Variants in CLVS1 observed in about 807,000 individuals in gnomAD.
CLVS1 encodes the protein clavesin-1.
A neutral mutation model predicts 33.1 loss-of-function variants in CLVS1; 10 were observed. The ratio of observed to expected loss-of-function variants is 0.30; its 90% CI spans 0.19 to 0.51. CLVS1 has a LOEUF of 0.51. CLVS1 is among the 20% of genes least tolerant of loss of function. The pLI is 0.97. For synonymous variants in CLVS1, 163 were observed against 166.1 expected (o/e 0.98, Z 0.14); for missense variants, 343 against 433.4 (o/e 0.79, Z 1.85).
chr8:61,187,922 T>C (rs1807376215), intron 2 of CLVS1, among the ~76,000 whole-genome samples: 1 of 151,742 alleles, frequency 6.6e-6, no homozygotes, highest in Non-Finnish European at 1.5e-5. Flanking sequence ...CACGTCTTCA[T>C]AGATATATTA....
intron 2 of CLVS1, among the ~76,000 whole-genome samples, chr8:61,151,029 T>TATG (rs1334944648): frequency 1.3e-5 from 2 of 152,212 alleles, no homozygotes; most frequent in Non-Finnish European, 2.9e-5. Flanking sequence ...ACCCCCAGAC[T>TATG]ATGTTTGAGC....
intron 2 of CLVS1, among the ~76,000 whole-genome samples, chr8:61,137,199 T>G (rs1724840879): frequency 6.6e-6 from 1 of 152,128 alleles, no homozygotes; most frequent in South Asian, 2.1e-4. Context: ...CCAGTTAAGA[T>G]GGAGGGGGAA....
intron 2 of CLVS1, among the ~76,000 whole-genome samples, chr8:61,159,491 C>T (rs888802359): frequency 1.3e-5 from 2 of 152,196 alleles, no homozygotes; most frequent in Non-Finnish European, 2.9e-5. Context: ...TGTACTCCTT[C>T]CCTCCTGGTG....
At chr8:61,398,237 A>G (rs1159119394) in intron 3 of CLVS1, among the ~76,000 whole-genome samples, 1 of 137,522 alleles carries the variant, frequency 7.3e-6, no homozygotes, top group Non-Finnish European at 1.5e-5. Flanking sequence ...GGTGGAATGT[A>G]GTGGTGTGAT....
intron 1 of CLVS1, among the ~76,000 whole-genome samples, chr8:61,063,366 C>T (rs1804620937): frequency 6.6e-6 from 1 of 150,774 alleles, no homozygotes; most frequent in African/African-American, 2.4e-5. Flanking sequence ...TAAAAGTTCT[C>T]TGGAGGAGGC....
intron 2 of CLVS1, among the ~76,000 whole-genome samples, chr8:61,152,015 G>C (rs779066734): frequency 6.6e-6 from 1 of 152,102 alleles, no homozygotes; most frequent in Non-Finnish European, 1.5e-5. Flanking sequence ...CCCGCCCCCA[G>C]CTTTCTTTTC....
intron 2 of CLVS1, among the ~76,000 whole-genome samples, chr8:61,306,299 C>A (rs766172499): frequency 9.2e-5 from 14 of 152,068 alleles, no homozygotes; most frequent in Non-Finnish European, 1.9e-4. Flanking sequence ...GATGTTGAGC[C>A]TTTTTTCATA....
At chr8:61,091,067 C>T (rs949526726) in intron 1 of CLVS1, among the ~76,000 whole-genome samples, 4 of 152,140 alleles carry the variant, frequency 2.6e-5, no homozygotes, top group Admixed American at 1.3e-4. Context: ...ACTTTGCAGA[C>T]GTGATTAAAT....
At chr8:61,174,254 T>C (rs1807067591) in intron 2 of CLVS1, among the ~76,000 whole-genome samples, 1 of 152,090 alleles carries the variant, frequency 6.6e-6, no homozygotes, top group Non-Finnish European at 1.5e-5. Flanking sequence ...CAATGAAAAC[T>C]GTCTGCAAAC....
At position 61,458,567 on chromosome 8, in the gene CLVS1, C is replaced by G. The variant is rs772319156; in HGVS notation, c.977+25C>G. On this transcript the variant is annotated intron_variant, in intron 5 of 5. Transcript: ENST00000325897. Reference sequence around the variant, plus strand: ...GGTAAGGCCTGGGTTATCAGAGCCCCCCCCCCAGTCAGAGGTCAATGGAAT... The same window carrying G: ...GGTAAGGCCTGGGTTATCAGAGCCCGCCCCCCAGTCAGAGGTCAATGGAAT... 12 of 1,472,312 alleles carry G rather than the reference C, an allele frequency of 8.2e-6. 1 individual carries two copies. The highest frequency in any genetic ancestry group is 3.5e-4 in the Middle Eastern group (2 of 5,652). 91.2% of individuals were successfully genotyped at this position (1,472,312 alleles called of 1,614,324 possible). A position where few individuals can be genotyped will look rare whatever the true frequency, so the allele number is the denominator to read the frequency against.
intron 1 of CLVS1, among the ~76,000 whole-genome samples, chr8:61,085,009 GAAAGGGAATTAGTGGAATGA>G (rs1805093118): frequency 6.6e-6 from 1 of 152,190 alleles, no homozygotes; most frequent in South Asian, 2.1e-4. Flanking sequence ...GTTTTGCCAG[GAAAGGGAATTAGTGGAATGA>G]AAAAATACAT....
At chr8:61,350,134 T>C (rs1031442533) in intron 2 of CLVS1, among the ~76,000 whole-genome samples, 29 of 152,264 alleles carry the variant, frequency 1.9e-4, no homozygotes, top group Admixed American at 1.8e-3. Flanking sequence ...ACATTGTACA[T>C]GCTTGTTAGA....
At chr8:61,046,658 A>G in the CLVS1 span, among the ~76,000 whole-genome samples, 3 of 151,844 alleles carry the variant, frequency 2.0e-5, no homozygotes, top group African/African-American at 7.3e-5. Context: ...ATCCTCTTTT[A>G]TTTCATTGAG....
intron 2 of CLVS1, among the ~76,000 whole-genome samples, chr8:61,149,569 C>CA (rs1212944878): frequency 3.3e-5 from 4 of 120,290 alleles, no homozygotes; most frequent in South Asian, 2.8e-4. Flanking sequence ...AAAAAAAAAA[C>CA]AAAAAACAAA....
intron 1 of CLVS1, among the ~76,000 whole-genome samples, chr8:61,126,077 C>A (rs1805963078): frequency 6.6e-6 from 1 of 152,038 alleles, no homozygotes; most frequent in Non-Finnish European, 1.5e-5. Context: ...TCTCTAAGCT[C>A]TACTTACAGC....
At chr8:61,443,289 C>T (rs1475885065) in intron 3 of CLVS1, among the ~76,000 whole-genome samples, 1 of 152,158 alleles carries the variant, frequency 6.6e-6, no homozygotes, top group East Asian at 1.9e-4. Context: ...CTTTTGGAGG[C>T]AAGTCTAAGA....
At chr8:61,272,283 G>T (rs1304020877) in intron 2 of CLVS1, among the ~76,000 whole-genome samples, 5 of 152,060 alleles carry the variant, frequency 3.3e-5, no homozygotes, top group Non-Finnish European at 7.4e-5. Context: ...GAAATTCTGG[G>T]TTGAAAATTC....
At chr8:61,481,548 A>G (rs1270349975) in intron 5 of CLVS1, among the ~76,000 whole-genome samples, 4 of 152,214 alleles carry the variant, frequency 2.6e-5, no homozygotes, top group Non-Finnish European at 5.9e-5. Flanking sequence ...CCAGGAGATT[A>G]TATTCCATGC....
chr8:61,394,042 C>G (rs1320859555), intron 3 of CLVS1, among the ~76,000 whole-genome samples: 3 of 152,170 alleles, frequency 2.0e-5, no homozygotes, highest in African/African-American at 4.8e-5. Context: ...AAAATCTTAT[C>G]CCTCACTTAT....
Sources: allele counts gnomAD v4.1 joint callset (sites outside exome capture counted in the v4.1 genomes callset), GRCh38; gene constraint gnomAD v4.1.1; transcripts MANE v1.5; gene names NCBI Gene and HGNC (gene_info 2026-07-23, HGNC 2026-07-21).